NTRK3: variants seen among roughly 807,000 people sequenced by gnomAD.
NTRK3 encodes NT-3 growth factor receptor.
In NTRK3, 24 loss-of-function variants were observed where a neutral mutation model predicts 91.7. The ratio of observed to expected loss-of-function variants is 0.26; its 90% CI spans 0.19 to 0.37. NTRK3 has a LOEUF of 0.37. Ranked by LOEUF, NTRK3 falls within the 10% of genes least tolerant of loss-of-function variation. The pLI is 1.00. For missense variants in NTRK3, 880 were observed against 1,068.9 expected (o/e 0.82, Z 2.46); for synonymous variants, 483 against 404.0 (o/e 1.20, Z -2.34).
In NTRK3 at chr15:88,007,348, G is replaced by A. The variant is rs2076566610; in HGVS notation, c.1585+25509C>T. Among the ~76,000 whole-genome samples, 6 of 152,176 alleles carry A rather than the reference G, an allele frequency of 3.9e-5. No homozygotes were observed. In the South Asian group the frequency reaches 1.0e-3, roughly 26 times the overall value. On this transcript the variant is annotated intron_variant, in intron 14 of 18. Coordinates refer to ENST00000394480, the Ensembl canonical transcript of NTRK3. ...CAAATCCTGCTCACAATACCATACT[G>A]TTGGCTAAGTGGTTTCAGGCAGAAC...
chr15:88,072,802 G>A (rs1178935978), intron 13 of NTRK3: 2 of 233,054 alleles, frequency 8.6e-6, no homozygotes, highest in Non-Finnish European at 1.7e-5. Flanking sequence ...GAGGGAAAGC[G>A]GGCAGTGCTG....
At chr15:87,909,114 T>C (rs998023267) in intron 17 of NTRK3, among the ~76,000 whole-genome samples, 1 of 152,130 alleles carries the variant, frequency 6.6e-6, no homozygotes, top group African/African-American at 2.4e-5. Context: ...CCCTCTCCTT[T>C]CCTTCCTGAT....
chr15:88,136,718 C>CTAA lies in NTRK3; in HGVS notation c.623-112_623-110dup, dbSNP rs2041911367. ...CTTCTTGCCTTGCCCAGTAATGACT[C>CTAA]TAACACCACCTGCTTGAGTTCTTGG... On this transcript the variant is annotated intron_variant, in intron 7 of 18. Transcript: ENST00000394480. 3.0e-6 allele frequency: 4 copies of CTAA among 1,327,870 alleles called. No homozygotes were observed. The African/African-American group carries it at 4.4e-5, about 15-fold the overall frequency. 82.3% of individuals were successfully genotyped at this position (1,327,870 alleles called of 1,614,324 possible).
At chr15:88,176,230 A>G (rs1175528912) in intron 5 of NTRK3, among the ~76,000 whole-genome samples, 5 of 138,904 alleles carry the variant, frequency 3.6e-5, no homozygotes, top group South Asian at 2.2e-4. Context: ...TCCGCCTCCC[A>G]GGTTCAAGTG....
intron 13 of NTRK3, among the ~76,000 whole-genome samples, chr15:88,054,484 T>C (rs773864234): frequency 2.0e-5 from 3 of 152,182 alleles, no homozygotes; most frequent in Non-Finnish European, 2.9e-5. Flanking sequence ...GGCTCCTTTA[T>C]AGTAGAGACA....
At chr15:88,166,808 T>C (rs2045005128) in intron 5 of NTRK3, among the ~76,000 whole-genome samples, 1 of 152,144 alleles carries the variant, frequency 6.6e-6, no homozygotes, top group African/African-American at 2.4e-5. Flanking sequence ...TTACATAACC[T>C]CTCTGAGCCC....
intron 13 of NTRK3, among the ~76,000 whole-genome samples, chr15:88,064,314 G>C (rs2046462430): frequency 6.6e-6 from 1 of 152,202 alleles, no homozygotes; most frequent in Non-Finnish European, 1.5e-5. Context: ...GCAGTAATTT[G>C]TTATGGCTGC....
At chr15:87,925,573 T>C (rs2068232474) in intron 17 of NTRK3, 1 of 212,804 alleles carries the variant, frequency 4.7e-6, no homozygotes, top group African/African-American at 2.3e-5. Flanking sequence ...TACAAACCTG[T>C]CCGGGGGTAT....
intron 17 of NTRK3, among the ~76,000 whole-genome samples, chr15:87,911,757 G>T (rs183594883): frequency 6.6e-6 from 1 of 152,118 alleles, no homozygotes. Context: ...TCAGTCATTC[G>T]CTGAGAAGAA....
At position 88,235,954 on chromosome 15, in the gene NTRK3, T is replaced by C. The variant is rs1567695655; in HGVS notation, c.248+19952A>G. ...CAAGGTCCTGTTTCGATGAGTCACA[T>C]AAATGTGTCTCTCCTAACCCAGATT... On this transcript the variant is annotated intron_variant, in intron 3 of 18. Coordinates refer to ENST00000394480, the Ensembl canonical transcript of NTRK3. The surrounding 1 kb of genome is among the most constrained non-coding windows in gnomAD (Gnocchi z 5.2). Among the ~76,000 whole-genome samples, 1 of 152,202 alleles carries C rather than the reference T, an allele frequency of 6.6e-6. No homozygotes were observed. Among genetic ancestry groups the C allele is most frequent in the African/African-American group, 2.4e-5 (1 of 41,460 alleles).
intron 13 of NTRK3, among the ~76,000 whole-genome samples, chr15:88,101,078 C>G (rs938120124): frequency 2.0e-5 from 3 of 152,042 alleles, no homozygotes; most frequent in African/African-American, 7.2e-5. Flanking sequence ...AGTGAACAGG[C>G]AACTTACAGA....
intron 6 of NTRK3, chr15:88,144,207 C>T (rs2042661549): frequency 6.6e-6 from 1 of 152,188 alleles, no homozygotes; most frequent in Admixed American, 6.5e-5. Flanking sequence ...GAGAGCACTG[C>T]ACAATGCCAC....
At chr15:88,202,987 C>T (rs2048431269) in intron 3 of NTRK3, among the ~76,000 whole-genome samples, 1 of 152,192 alleles carries the variant, frequency 6.6e-6, no homozygotes, top group Non-Finnish European at 1.5e-5. Context: ...TCAGACCTTC[C>T]CACTTTTTGA....
chr15:88,109,412 G>C (rs1056573262), intron 13 of NTRK3, among the ~76,000 whole-genome samples: 6 of 152,166 alleles, frequency 3.9e-5, no homozygotes, highest in Non-Finnish European at 7.4e-5. Flanking sequence ...ATTAAGCAAG[G>C]AGCTCGTCCT....
chr15:88,168,596 T>G (rs533829898), intron 5 of NTRK3, among the ~76,000 whole-genome samples: 1 of 152,382 alleles, frequency 6.6e-6, no homozygotes, highest in Admixed American at 6.5e-5. Context: ...CGAAGGTTTC[T>G]GAGCTGCAAA....
At chr15:88,242,633 A>C (rs2052460079) in intron 3 of NTRK3, among the ~76,000 whole-genome samples, 3 of 152,270 alleles carry the variant, frequency 2.0e-5, no homozygotes, top group South Asian at 4.1e-4. Flanking sequence ...AGGGCTCAGC[A>C]TGGGTCTGGC....
chr15:87,897,020 G>A (rs930482831), intron 17 of NTRK3, among the ~76,000 whole-genome samples: 8 of 152,174 alleles, frequency 5.3e-5, no homozygotes, highest in African/African-American at 1.9e-4. Context: ...AGGGCTTTCT[G>A]ACAGTTTACG....
chr15:88,139,566 T>A (rs1436673772), intron 6 of NTRK3, among the ~76,000 whole-genome samples: 1 of 152,166 alleles, frequency 6.6e-6, no homozygotes, highest in Non-Finnish European at 1.5e-5. Flanking sequence ...TGTGGTATCA[T>A]CCTCTTAGCC....
chr15:87,910,659 T>A (rs901865607), intron 17 of NTRK3, among the ~76,000 whole-genome samples: 1 of 152,114 alleles, frequency 6.6e-6, no homozygotes, highest in African/African-American at 2.4e-5. Context: ...GCAAAGCAGA[T>A]GTCTAAAATA....
Sources: gnomAD v4.1 joint callset for allele counts (sites outside exome capture counted in the v4.1 genomes callset) on GRCh38, gnomAD v4.1.1 for gene constraint, Gnocchi (gnomAD v3.1) non-coding constraint, MANE v1.5 for transcripts, NCBI Gene and HGNC (gene_info 2026-07-23, HGNC 2026-07-21) for gene names.